P3H3: variants seen among roughly 807,000 people sequenced by gnomAD.
The protein encoded by P3H3 is prolyl 3-hydroxylase 3.
P3H3 carries 64 observed loss-of-function variants against 78.1 expected under a neutral mutation model. The observed-to-expected ratio is 0.82, with a 90% CI of 0.67 to 1.01. The LOEUF is 1.01. P3H3 is among the 50% of genes least tolerant of loss of function. P3H3 has a pLI of 0.00. For missense variants in P3H3, 975 were observed against 982.2 expected (o/e 0.99, Z 0.10); for synonymous variants, 425 against 416.7 (o/e 1.02, Z -0.24).
intron 7 of P3H3, 48 bp downstream of exon 7, chr12:6,833,692 T>C (rs782574149): frequency 6.2e-7 from 1 of 1,605,622 alleles, no homozygotes; most frequent in Non-Finnish European, 8.5e-7. Context: ...GCTGGGAGGC[T>C]GGGTCTGGAC....
Position 6,828,913 on chromosome 12 carries a change from A to G in P3H3, c.473A>G (p.Asn158Ser), listed in dbSNP as rs1228678596. The G allele has an allele frequency of 1.6e-6, 2 of 1,245,192 alleles. No homozygotes were observed. The highest frequency in any genetic ancestry group is 4.2e-5 in the Admixed American group (1 of 23,752). 77.1% of individuals were successfully genotyped at this position (1,245,192 alleles called of 1,614,324 possible). A position where few individuals can be genotyped will look rare whatever the true frequency, so the allele number is the denominator to read the frequency against. The change falls in exon 1 of 15, where the codon AAC becomes AGC. Residue 158 changes from asparagine (N) to serine (S), a missense_variant. By Grantham distance (46) the Asn-to-Ser change is conservative. Transcript: ENST00000290510. ...GCCTTCCGCCGTCGGGAGCCCTACA[A>G]CTACCTGCAGAGGGCCTATTACCAG... ...RDAFRRREPY[N>S]YLQRAYYQLK...
In P3H3 at chr12:6,828,470, ACTG is replaced by A. The variant is rs782716613; in HGVS notation, c.41_43del (p.Leu14del). 1.5e-4 allele frequency: 187 copies of A among 1,229,312 alleles called. No homozygotes were observed. The highest frequency in any genetic ancestry group is 2.5e-4 in the Middle Eastern group (1 of 4,064). 76.2% of individuals were successfully genotyped at this position (1,229,312 alleles called of 1,614,324 possible). A position where few individuals can be genotyped will look rare whatever the true frequency, so the allele number is the denominator to read the frequency against. On this transcript the variant is annotated inframe_deletion, in exon 1 of 15. Transcript: ENST00000290510. ...TCCGGCTCCTCCGGCCGCTGCTGCTACTGCTGCTGCTGCCTCCCCCGGGGTCCC... is the reference window on the plus strand; with the variant it reads ...TCCGGCTCCTCCGGCCGCTGCTGCTACTGCTGCTGCCTCCCCCGGGGTCCC...
Position 6,834,057 on chromosome 12 carries a change from G to C in P3H3, c.1458+8G>C, listed in dbSNP as rs199842093. ...CTGCTGCAGCTGGCTAAGGTAGGAA[G>C]ACCTGCAAGCTCATCAGCTCGTTCA... is the stretch of plus-strand genomic sequence containing the variant. On this transcript the variant is annotated splice_region_variant and intron_variant, in intron 9 of 14. Coordinates refer to ENST00000290510, the MANE Select transcript of P3H3 (RefSeq NM_014262.5). 3.0e-5 allele frequency: 48 copies of C among 1,612,996 alleles called. No individual in the cohort carries two copies. The highest frequency in any genetic ancestry group is 4.0e-5 in the Non-Finnish European group (47 of 1,179,810).
chr12:6,830,889 T>C, intron 4 of P3H3, 119 bp downstream of exon 4: 1 of 1,434,018 alleles, frequency 7.0e-7, no homozygotes, highest in Non-Finnish European at 9.8e-7. Context: ...CAGGGCTGCA[T>C]GGGAACCATC....
rs782547832 is a variant in P3H3 at position 6,830,528 on chromosome 12, A to G, written c.827A>G (p.Gln276Arg). The change falls in exon 3 of 15, where the codon CAG becomes CGG. Residue 276 changes from glutamine (Q) to arginine (R), a missense_variant. By Grantham distance (43) the Gln-to-Arg change is conservative. Transcript: ENST00000290510. ...AEEEEDGAASQGGLYEAIAGH... is the reference protein window; with the variant it reads ...AEEEEDGAASRGGLYEAIAGH... ...GAAGAGGAGGATGGGGCTGCGAGCC[A>G]GGGGGGCCTCTATGAGGCCATTGCA... is the stretch of plus-strand genomic sequence containing the variant. 1.3e-6 allele frequency: 2 copies of G among 1,574,022 alleles called. No homozygotes were observed. The highest frequency in any genetic ancestry group is 1.4e-5 in the African/African-American group (1 of 73,908).
At chr12:6,832,033 C>G (rs1327802023) in intron 6 of P3H3, 119 bp downstream of exon 6, 2 of 666,464 alleles carry the variant, frequency 3.0e-6, no homozygotes, top group Non-Finnish European at 5.3e-6. Context: ...GTCTGCCATC[C>G]CAGTTTTACA....
Position 6,831,138 on chromosome 12 carries a change from A to G in P3H3, c.986-78A>G, listed in dbSNP as rs1943446999. The G allele has an allele frequency of 4.4e-6, 7 of 1,585,256 alleles. No homozygotes were observed. On this transcript the variant is annotated intron_variant, in intron 4 of 14. Transcript: ENST00000290510. This position sits in a 1 kb window ranked among gnomAD's most constrained non-coding sequence, Gnocchi z 4.6. ...CTGGCCTCTGGAGACCACCTTCTCC[A>G]GCACTGCCTCTGCCCCAAGGATCAA...
Position 6,829,404 on chromosome 12 carries a change from GGGGA to G in P3H3, c.499-451_499-448del, listed in dbSNP as rs1943422484. ...CCTCCGAGGCCAGACCTCTGCGGGCGGGGAGGGGACAGCACGCCGCAGCCGCCGG... is the reference window on the plus strand; with the variant it reads ...CCTCCGAGGCCAGACCTCTGCGGGCGGGGGACAGCACGCCGCAGCCGCCGG... On this transcript the variant is annotated intron_variant, in intron 1 of 14. Transcript: ENST00000290510. This position sits in a 1 kb window ranked among gnomAD's most constrained non-coding sequence, Gnocchi z 5.1. The G allele has an allele frequency of 4.3e-6, 1 of 233,856 alleles. No homozygotes were observed. Among genetic ancestry groups the G allele is most frequent in the African/African-American group, 2.3e-5 (1 of 42,710 alleles). The allele number at this position is 233,856 out of a possible 1,614,324, so 14.5% of individuals were successfully genotyped here.
rs1390967735 is a variant in P3H3, at chr12:6,829,065, G to C, written c.498+127G>C. On this transcript the variant is annotated intron_variant, in intron 1 of 14. Coordinates refer to ENST00000290510, the MANE Select transcript of P3H3 (RefSeq NM_014262.5). The surrounding 1 kb of genome is among the most constrained non-coding windows in gnomAD (Gnocchi z 5.1). ...CGCACGGGGCTGGGGAGCGTACCGC[G>C]GGCCTCTGCGTAGGAGCTGGCTAAG... 14 of 574,920 alleles carry C rather than the reference G, an allele frequency of 2.4e-5. No homozygotes were observed. Among genetic ancestry groups the C allele is most frequent in the African/African-American group, 5.8e-5 (3 of 51,782 alleles). 35.6% of individuals were successfully genotyped at this position (574,920 alleles called of 1,614,324 possible). A position where few individuals can be genotyped will look rare whatever the true frequency, so the allele number is the denominator to read the frequency against.
At position 6,829,799 on chromosome 12, in the gene P3H3, G is replaced by T. The variant is rs1383213125; in HGVS notation, c.499-60G>T. On this transcript the variant is annotated intron_variant, in intron 1 of 14. Transcript: ENST00000290510. The surrounding 1 kb of genome is among the most constrained non-coding windows in gnomAD (Gnocchi z 5.1). ...GGGGTAGGGTGGGGAGGCTGGCCAGGGGGCAGAGGTCTGCCCCCCGTCCCA... is the reference window on the plus strand; with the variant it reads ...GGGGTAGGGTGGGGAGGCTGGCCAGTGGGCAGAGGTCTGCCCCCCGTCCCA... 2 of 1,597,144 alleles carry T rather than the reference G, an allele frequency of 1.3e-6. No individual in the cohort carries two copies. The highest frequency in any genetic ancestry group is 2.7e-5 in the African/African-American group (2 of 74,172).
intron 8 of P3H3, 47 bp from the exon 9 acceptor site, chr12:6,833,878 C>T: frequency 6.2e-7 from 1 of 1,613,872 alleles, no homozygotes; most frequent in Non-Finnish European, 8.5e-7. Flanking sequence ...GCTCTGCCTG[C>T]CCTTAGGGGA....
chr12:6,830,896 C>T, intron 4 of P3H3, 126 bp downstream of exon 4: 1 of 1,374,438 alleles, frequency 7.3e-7, no homozygotes, highest in South Asian at 1.2e-5. Flanking sequence ...GCATGGGAAC[C>T]ATCACTTCAC....
In P3H3 at chr12:6,828,925, G is replaced by A. The variant is rs888275468; in HGVS notation, c.485G>A (p.Arg162Lys). Reference sequence around the variant, plus strand: ...CGGGAGCCCTACAACTACCTGCAGAGGGCCTATTACCAGGTGGGGAGCGGG... The same window carrying A: ...CGGGAGCCCTACAACTACCTGCAGAAGGCCTATTACCAGGTGGGGAGCGGG... ...RRREPYNYLQRAYYQLKKLDL... is the reference protein window; with the variant it reads ...RRREPYNYLQKAYYQLKKLDL... The change falls in exon 1 of 15, where the codon AGG becomes AAG. Residue 162 changes from arginine to lysine, a missense_variant. Coordinates refer to ENST00000290510, the MANE Select transcript of P3H3 (RefSeq NM_014262.5). 5.7e-5 allele frequency: 71 copies of A among 1,242,158 alleles called. No homozygotes were observed. Among genetic ancestry groups the A allele is most frequent in the Non-Finnish European group, 6.3e-5 (63 of 992,248 alleles). 76.9% of individuals were successfully genotyped at this position (1,242,158 alleles called of 1,614,324 possible).
chr12:6,830,479 C>T lies in P3H3; in HGVS notation c.778C>T (p.Pro260Ser), dbSNP rs1943436400. The T allele has an allele frequency of 2.5e-6, 4 of 1,587,232 alleles. No individual in the cohort carries two copies. Among genetic ancestry groups the T allele is most frequent in the African/African-American group, 1.3e-5 (1 of 74,376 alleles). The part of the protein sequence containing the change: ...MESCRADCEG[P>S]EEQQGAEEEE... ...GAGCTGCCGTGCTGACTGTGAGGGG[C>T]CTGAGGAGCAGCAGGGGGCTGAAGA... is the stretch of plus-strand genomic sequence containing the variant. Residue 260 changes from proline (P) to serine (S), a missense_variant, in exon 3 of 15, where the codon CCT (proline) becomes TCT (serine). Transcript: ENST00000290510.
chr12:6,830,064 T>C (rs1227943275), intron 2 of P3H3, 53 bp downstream of exon 2: 2 of 1,602,826 alleles, frequency 1.2e-6, no homozygotes, highest in Non-Finnish European at 8.5e-7. Flanking sequence ...CCTGGCTGGA[T>C]ACACAGGCCT....
chr12:6,836,367 A>T lies in P3H3; in HGVS notation c.1459-618A>T, dbSNP rs1346180275. 2.0e-5 allele frequency among the ~76,000 whole-genome samples: 3 copies of T among 152,156 alleles called. No individual in the cohort carries two copies. The East Asian group carries it at 5.8e-4, about 29-fold the overall frequency. ...AAAGTAGACAAAAAACGGGTGTCAG[A>T]AAAGCGAATAATTCCAGTGTAGACA... On this transcript the variant is annotated intron_variant, in intron 9 of 14. Coordinates refer to ENST00000290510, the MANE Select transcript of P3H3 (RefSeq NM_014262.5).
intron 9 of P3H3, 128 bp downstream of exon 9, chr12:6,834,177 G>A (rs1458794399): frequency 7.2e-7 from 1 of 1,387,052 alleles, no homozygotes; most frequent in South Asian, 1.3e-5. Context: ...GCTTACCACT[G>A]CCTCTCAGCT....
chr12:6,838,078 G>C, intron 13 of P3H3, 45 bp downstream of exon 13: 1 of 1,563,690 alleles, frequency 6.4e-7, no homozygotes. Flanking sequence ...GGGCCCAGCT[G>C]TGGGGTCAGG....
intron 14 of P3H3, 74 bp downstream of exon 14, chr12:6,839,214 C>T (rs1943533708): frequency 5.7e-6 from 9 of 1,570,020 alleles, no homozygotes; most frequent in Admixed American, 3.7e-5. Context: ...CGAGAAGGCT[C>T]ACAGTCGGTG....
Sources: gnomAD v4.1 joint callset for allele counts (sites outside exome capture counted in the v4.1 genomes callset) on GRCh38, gnomAD v4.1.1 for gene constraint, Gnocchi (gnomAD v3.1) non-coding constraint, MANE v1.5 for transcripts, NCBI Gene and HGNC (gene_info 2026-07-23, HGNC 2026-07-21) for gene names.